The following ERC2 variants were observed in gnomAD, a reference collection of about 807,000 sequenced individuals.
The protein encoded by ERC2 is ERC protein 2.
ERC2 carries 42 observed loss-of-function variants against 114.8 expected under a neutral mutation model. The observed-to-expected ratio is 0.37, with a 90% CI of 0.29 to 0.47. ERC2 has a LOEUF of 0.47. Ranked by LOEUF, ERC2 falls within the 20% of genes least tolerant of loss-of-function variation. The probability of loss-of-function intolerance (pLI) is 0.99; values close to 1 mark genes in which losing one functional copy is unlikely to be tolerated. For synonymous variants in ERC2, 454 were observed against 425.5 expected, an observed-to-expected ratio of 1.07 and a Z score of -0.82; for missense variants, 939 against 1,150.7, an observed-to-expected ratio of 0.82 and a Z score of 2.66.
intron 3 of ERC2, among the ~76,000 whole-genome samples, chr3:56,180,366 C>T (rs868358378): frequency 6.6e-6 from 1 of 152,274 alleles, no homozygotes; most frequent in African/African-American, 2.4e-5. Flanking sequence ...GATTTGTACA[C>T]CCAAGTTCAT....
intron 15 of ERC2, among the ~76,000 whole-genome samples, chr3:55,702,927 G>A (rs2063302022): frequency 6.6e-6 from 1 of 152,180 alleles, no homozygotes; most frequent in South Asian, 2.1e-4. Flanking sequence ...GCGATTCACT[G>A]AGGCCCATTT....
chr3:56,084,214 T>C (rs1190720732), intron 6 of ERC2, among the ~76,000 whole-genome samples: 3 of 152,024 alleles, frequency 2.0e-5, no homozygotes, highest in Admixed American at 2.0e-4. Context: ...CAAAAAACAA[T>C]AGATGTTGGC....
At chr3:56,344,378 G>C (rs756167374) in intron 2 of ERC2, among the ~76,000 whole-genome samples, 3 of 152,038 alleles carry the variant, frequency 2.0e-5, no homozygotes, top group South Asian at 4.1e-4. Flanking sequence ...ACCTAACAGC[G>C]ACATGTCTTC....
intron 9 of ERC2, among the ~76,000 whole-genome samples, chr3:56,010,226 A>G (rs1576549145): frequency 6.6e-6 from 1 of 152,174 alleles, no homozygotes; most frequent in South Asian, 2.1e-4. Context: ...GCTACATTGT[A>G]TATGGTTAGC....
chr3:55,757,088 C>T (rs994116084), intron 14 of ERC2, among the ~76,000 whole-genome samples: 5 of 152,124 alleles, frequency 3.3e-5, no homozygotes, highest in African/African-American at 1.2e-4. Context: ...AAACTACTCC[C>T]CTTGAAACTA....
At chr3:56,393,901 C>T (rs990585390) in intron 2 of ERC2, among the ~76,000 whole-genome samples, 3 of 151,798 alleles carry the variant, frequency 2.0e-5, no homozygotes, top group Non-Finnish European at 4.4e-5. Context: ...ATCACCTGGA[C>T]ACTACTTTTA....
At chr3:55,669,477 GA>G (rs1225460854) in intron 17 of ERC2, among the ~76,000 whole-genome samples, 1 of 152,210 alleles carries the variant, frequency 6.6e-6, no homozygotes, top group Non-Finnish European at 1.5e-5. Context: ...CAAGATAAGA[GA>G]GTACAAAGAT....
At chr3:56,022,304 G>C (rs1005512724) in intron 7 of ERC2, among the ~76,000 whole-genome samples, 2 of 152,198 alleles carry the variant, frequency 1.3e-5, no homozygotes, top group Admixed American at 1.3e-4. Flanking sequence ...GACGACTGAT[G>C]ATTTTACTTC....
chr3:56,029,209 T>C (rs980803241), intron 7 of ERC2, among the ~76,000 whole-genome samples: 12 of 152,068 alleles, frequency 7.9e-5, no homozygotes, highest in African/African-American at 2.7e-4. Context: ...TAATATTTTG[T>C]TGGAGAGTTT....
intron 13 of ERC2, among the ~76,000 whole-genome samples, chr3:55,917,769 G>A (rs2149376848): frequency 6.6e-6 from 1 of 152,242 alleles, no homozygotes; most frequent in Middle Eastern, 3.4e-3. Context: ...CACTTTAAAT[G>A]GTGAATTGCA....
At chr3:56,407,329 G>A (rs1258829194) in intron 2 of ERC2, among the ~76,000 whole-genome samples, 2 of 152,188 alleles carry the variant, frequency 1.3e-5, no homozygotes, top group Admixed American at 1.3e-4. Context: ...TGAGGTTTAA[G>A]TCCAAGTCCA....
chr3:56,378,547 T>A lies in ERC2; in HGVS notation c.657+55804A>T, dbSNP rs1277070696. ...GTAACTAACCTGCACAATGTGCACA[T>A]GTACCCTAAAACTTAAAGTATAATA... On this transcript the variant is annotated intron_variant, in intron 2 of 17. Transcript: ENST00000288221. Among the ~76,000 whole-genome samples the A allele has an allele frequency of 2.9e-5, 4 of 137,006 alleles. No individual in the cohort carries two copies. In the East Asian group the frequency reaches 8.3e-4, roughly 28 times the overall value. 89.9% of individuals were successfully genotyped at this position (137,006 alleles called of 152,430 possible).
Position 56,086,392 on chromosome 3 carries a change from G to A in ERC2, c.1474-5408C>T, listed in dbSNP as rs145432775. ...TTGGGGGGTTTATTTTCCATGCACT[G>A]GAAAGTGTGTACTTAACTTCAAAGG... On this transcript the variant is annotated intron_variant, in intron 6 of 17. Transcript: ENST00000288221. Among the ~76,000 whole-genome samples, 220 of 152,040 alleles carry A rather than the reference G, an allele frequency of 1.4e-3. 1 individual carries two copies. Among genetic ancestry groups the A allele is most frequent in the African/African-American group, 5.1e-3 (212 of 41,474 alleles).
intron 14 of ERC2, among the ~76,000 whole-genome samples, chr3:55,784,999 T>C (rs1209531871): frequency 6.6e-6 from 1 of 152,150 alleles, no homozygotes; most frequent in Non-Finnish European, 1.5e-5. Flanking sequence ...AGATGCATGA[T>C]AGAAAGCCTC....
chr3:56,216,718 G>T (rs1241542818), intron 3 of ERC2, among the ~76,000 whole-genome samples: 2 of 152,066 alleles, frequency 1.3e-5, no homozygotes, highest in African/African-American at 4.8e-5. Flanking sequence ...ATATCCTTGA[G>T]GAACATCGAT....
intron 6 of ERC2, among the ~76,000 whole-genome samples, chr3:56,131,419 C>T (rs2080192868): frequency 6.6e-6 from 1 of 152,226 alleles, no homozygotes; most frequent in Admixed American, 6.5e-5. Flanking sequence ...GAGATAAATG[C>T]ATCCTAAATG....
chr3:55,794,617 T>A (rs2070328142), intron 14 of ERC2, among the ~76,000 whole-genome samples: 1 of 152,232 alleles, frequency 6.6e-6, no homozygotes. Context: ...CTTTCATACC[T>A]GTGTGAAAGC....
chr3:55,963,511 C>T (rs2068535232), intron 12 of ERC2, among the ~76,000 whole-genome samples: 1 of 152,210 alleles, frequency 6.6e-6, no homozygotes. Context: ...ACCAAAGGGG[C>T]AAACCCAAGA....
chr3:55,576,168 A>G (rs2056970471), intron 17 of ERC2, among the ~76,000 whole-genome samples: 1 of 152,004 alleles, frequency 6.6e-6, no homozygotes, highest in Non-Finnish European at 1.5e-5. Flanking sequence ...AAAATTATCC[A>G]GGCATGGTGG....
Sources: gnomAD v4.1 joint callset for allele counts (sites outside exome capture counted in the v4.1 genomes callset) on GRCh38, gnomAD v4.1.1 for gene constraint, MANE v1.5 for transcripts, NCBI Gene and HGNC (gene_info 2026-07-23, HGNC 2026-07-21) for gene names.